Variants in KBTBD4 observed in about 807,000 individuals in gnomAD.
The protein encoded by KBTBD4 is kelch repeat and BTB domain-containing protein 4.
A neutral mutation model predicts 43.9 loss-of-function variants in KBTBD4; 30 were observed. The ratio of observed to expected loss-of-function variants is 0.68; its 90% CI spans 0.51 to 0.93. The LOEUF is 0.93. Ranked by LOEUF, KBTBD4 falls within the 40% of genes least tolerant of loss-of-function variation. The pLI, the probability that KBTBD4 is intolerant of heterozygous loss-of-function variation, is 0.00. For missense variants in KBTBD4, 575 were observed against 668.8 expected, an observed-to-expected ratio of 0.86 and a Z score of 1.55; for synonymous variants, 258 against 256.9, an observed-to-expected ratio of 1.00 and a Z score of -0.04.
Position 47,572,533 on chromosome 11 carries a change from C to T in KBTBD4, c.*397G>A, listed in dbSNP as rs2097250931. The T allele has an allele frequency of 5.5e-6, 1 of 181,602 alleles. No individual in the cohort carries two copies. Among genetic ancestry groups the T allele is most frequent in the African/African-American group, 2.4e-5 (1 of 42,268 alleles). 11.2% of individuals were successfully genotyped at this position (181,602 alleles called of 1,614,324 possible). A position where few individuals can be genotyped will look rare whatever the true frequency, so the allele number is the denominator to read the frequency against. On this transcript the variant is annotated 3_prime_UTR_variant, in exon 4 of 4. Coordinates refer to ENST00000430070, the MANE Select transcript of KBTBD4 (RefSeq NM_018095.6). ...TAATTCTTTGTGGAAAAATGATCAA[C>T]TAGCCATTTCACAGGCTATAGAACA... is the stretch of plus-strand genomic sequence containing the variant.
chr11:47,575,859 CTT>C (rs11387133), intron 2 of KBTBD4, among the ~76,000 whole-genome samples, 160 bp from the exon 3 acceptor site: 12 of 139,990 alleles, frequency 8.6e-5, no homozygotes, highest in Admixed American at 1.5e-4. Flanking sequence ...CCTAAAATTG[CTT>C]TTTTTTTTTT....
rs2153793479 is a variant in KBTBD4, at chr11:47,573,437, A to G, written c.1098T>C (p.Tyr366=). The change falls in exon 4 of 4, where the codon TAT becomes TAC. Residue 366 remains tyrosine (Y), a synonymous_variant. Transcript: ENST00000430070. This position sits in a 1 kb window ranked among gnomAD's most constrained non-coding sequence, Gnocchi z 4.1. ...TCCACACATTATCACCTACGCGATA[A>G]TAAATGACTGCGTTGGAGAGGGTAT... ...LQDTLSNAVI[Y]YRVGDNVWTE... is the part of the protein sequence containing the mutation. 1.2e-6 allele frequency: 2 copies of G among 1,614,218 alleles called. No homozygotes were observed. Among genetic ancestry groups the G allele is most frequent in the Non-Finnish European group, 1.7e-6 (2 of 1,180,038 alleles).
At chr11:47,575,064 A>T (rs2097256557) in intron 3 of KBTBD4, among the ~76,000 whole-genome samples, 1 of 151,774 alleles carries the variant, frequency 6.6e-6, no homozygotes, top group African/African-American at 2.4e-5. Flanking sequence ...AAAATACAAA[A>T]ATTAGGCGTG....
rs545835504 is a variant in KBTBD4, at chr11:47,575,663, A to G, written c.674T>C (p.Ile225Thr). The change falls in exon 3 of 4, where the codon ATA (isoleucine) becomes ACA (threonine). Residue 225 changes from isoleucine to threonine, a missense_variant. By Grantham distance (89) the Ile-to-Thr change is moderately conservative (BLOSUM62 -1). Transcript: ENST00000430070. ...VPCSQNPTEA[I>T]EAWINFNKEE... ...TTTATTAAAGTTGATCCAGGCTTCT[A>G]TTGCCTCTGTTGGGTTCTGAGAACA... The G allele has an allele frequency of 1.2e-6, 2 of 1,613,588 alleles. No homozygotes were observed. Among genetic ancestry groups the G allele is most frequent in the South Asian group, 1.1e-5 (1 of 91,020 alleles).
chr11:47,577,343 A>G, intron 2 of KBTBD4, 68 bp downstream of exon 2: 4 of 1,474,772 alleles, frequency 2.7e-6, no homozygotes, highest in Non-Finnish European at 2.7e-6. Context: ...CTTTTCTCCT[A>G]AACTAGAACA....
chr11:47,572,901 T>A lies in KBTBD4; in HGVS notation c.*29A>T. 6.3e-7 allele frequency: 1 copy of A among 1,586,282 alleles called. No homozygotes were observed. The highest frequency in any genetic ancestry group is 8.6e-7 in the Non-Finnish European group (1 of 1,163,842). ...AGTTTGTATGGGGAGGGAAAAGGAG[T>A]GAGCAGTTCTCCTCCCCTCCCCACA... On this transcript the variant is annotated 3_prime_UTR_variant, in exon 4 of 4. Transcript: ENST00000430070.
In KBTBD4 at chr11:47,572,833, G is replaced by C; in HGVS notation, c.*97C>G. On this transcript the variant is annotated 3_prime_UTR_variant, in exon 4 of 4. Coordinates refer to ENST00000430070, the MANE Select transcript of KBTBD4 (RefSeq NM_018095.6). ...CTGAGGCACTGCCTTTCTAGTATGTGCCAAAAAAAACATAACTCTGAATTG... is the reference window on the plus strand; with the variant it reads ...CTGAGGCACTGCCTTTCTAGTATGTCCCAAAAAAAACATAACTCTGAATTG... 7.4e-7 allele frequency: 1 copy of C among 1,355,316 alleles called. No individual in the cohort carries two copies. Among genetic ancestry groups the C allele is most frequent in the Non-Finnish European group, 1.0e-6 (1 of 993,270 alleles). 84.0% of individuals were successfully genotyped at this position (1,355,316 alleles called of 1,614,324 possible).
rs1038966258 is a variant in KBTBD4 at position 47,578,384 on chromosome 11, C to T, written c.20-356G>A. ...CTGTGATCGTAAAAGCCTTACTAAC[C>T]AAATAACTGGGGCATAAAACTAGTG... On this transcript the variant is annotated intron_variant, in intron 1 of 3. Coordinates refer to ENST00000430070, the MANE Select transcript of KBTBD4 (RefSeq NM_018095.6). The T allele has an allele frequency of 7.1e-6, 4 of 559,854 alleles. No homozygotes were observed. The African/African-American group carries it at 7.6e-5, about 11-fold the overall frequency. 34.7% of individuals were successfully genotyped at this position (559,854 alleles called of 1,614,324 possible). A position where few individuals can be genotyped will look rare whatever the true frequency, so the allele number is the denominator to read the frequency against.
intron 2 of KBTBD4, 152 bp from the exon 3 acceptor site, chr11:47,575,851 T>A: frequency 7.6e-6 from 3 of 393,552 alleles, no homozygotes; most frequent in Admixed American, 6.2e-5. Flanking sequence ...GAAATTAACC[T>A]AAAATTGCTT....
In KBTBD4 at chr11:47,573,411, G is replaced by A. The variant is rs748549438; in HGVS notation, c.1124C>T (p.Thr375Ile). 1 of 1,614,182 alleles carries A rather than the reference G, an allele frequency of 6.2e-7. No homozygotes were observed. Among genetic ancestry groups the A allele is most frequent in the South Asian group, 1.1e-5 (1 of 91,084 alleles). ...AGCCACCTCTAGCTGAGTTGTCTCT[G>A]TCCACACATTATCACCTACGCGATA... Reference protein sequence around the residue: ...IYYRVGDNVWTETTQLEVAVS... With the variant: ...IYYRVGDNVWIETTQLEVAVS... Residue 375 changes from threonine to isoleucine, a missense_variant, in exon 4 of 4, where the codon ACA (threonine) becomes ATA (isoleucine). Physicochemically the swap from Thr to Ile is moderately conservative, Grantham distance 89 (BLOSUM62 -1). Coordinates refer to ENST00000430070, the MANE Select transcript of KBTBD4 (RefSeq NM_018095.6). This position sits in a 1 kb window ranked among gnomAD's most constrained non-coding sequence, Gnocchi z 4.1.
intron 3 of KBTBD4, among the ~76,000 whole-genome samples, chr11:47,574,458 T>C (rs895065935): frequency 6.6e-6 from 1 of 151,768 alleles, no homozygotes; most frequent in Non-Finnish European, 1.5e-5. Flanking sequence ...GATCATGCCA[T>C]TGCACTCCAG....
chr11:47,573,741 C>T lies in KBTBD4; in HGVS notation c.794G>A (p.Arg265His), dbSNP rs780457703. The change falls in exon 4 of 4, where the codon CGT (arginine) becomes CAT (histidine). Residue 265 changes from arginine (R) to histidine (H), a missense_variant. Transcript: ENST00000430070. The surrounding 1 kb of genome is among the most constrained non-coding windows in gnomAD (Gnocchi z 4.1). Reference protein sequence around the residue: ...HIYLIGKESSRTHSLAVSLHC... With the variant: ...HIYLIGKESSHTHSLAVSLHC... ...CAAGGACACAGCCAACGAGTGGGTA[C>T]GAGATGACTCTTTCCCAATCAGGTA... 3.0e-5 allele frequency: 48 copies of T among 1,588,352 alleles called. No homozygotes were observed. Among genetic ancestry groups the T allele is most frequent in the African/African-American group, 2.7e-5 (2 of 74,662 alleles).
chr11:47,578,541 A>G (rs2097264715), intron 1 of KBTBD4: 3 of 684,796 alleles, frequency 4.4e-6, no homozygotes, highest in Non-Finnish European at 7.9e-6. Flanking sequence ...TGGGTCTTAC[A>G]TTTGCTCTCT....
chr11:47,573,241 C>A lies in KBTBD4; in HGVS notation c.1294G>T (p.Val432Leu), dbSNP rs199567761. The A allele has an allele frequency of 1.2e-6, 2 of 1,614,148 alleles. No homozygotes were observed. Among genetic ancestry groups the A allele is most frequent in the Admixed American group, 3.3e-5 (2 of 60,018 alleles). The stretch of plus-strand genomic sequence containing the variant: ...TGCATGCGGCCTGCAAAGGGCAGCA[C>A]ATAGGGCTTCACATGGCATTTGTCT... ...ETDKCHVKPY[V>L]LPFAGRMHAA... is the part of the protein sequence containing the mutation. Residue 432 changes from valine (V) to leucine (L), a missense_variant, in exon 4 of 4, where the codon GTG becomes TTG. Physicochemically the swap from Val to Leu is conservative, Grantham distance 32 (BLOSUM62 1). Transcript: ENST00000430070. The surrounding 1 kb of genome is among the most constrained non-coding windows in gnomAD (Gnocchi z 4.1).
At chr11:47,578,696 T>C (rs1326067786) in intron 1 of KBTBD4, 3 of 1,225,212 alleles carry the variant, frequency 2.4e-6, no homozygotes, top group Admixed American at 2.4e-5. Flanking sequence ...TTGAGTCGTC[T>C]TGGAAACGGT....
At chr11:47,578,771 C>CG in intron 1 of KBTBD4, 162 bp downstream of exon 1, 1 of 1,508,784 alleles carries the variant, frequency 6.6e-7, no homozygotes, top group South Asian at 1.2e-5. Flanking sequence ...GCTCAGAGAG[C>CG]GGGGGAGGGG....
Position 47,575,619 on chromosome 11 carries a change from C to G in KBTBD4, c.718G>C (p.Ala240Pro), listed in dbSNP as rs754585682. ...TTCAAGCTTGTCCTGAGTGACTCTGCAAAAGCCTCTCTTTCCTCTTTATTA... is the reference window on the plus strand; with the variant it reads ...TTCAAGCTTGTCCTGAGTGACTCTGGAAAAGCCTCTCTTTCCTCTTTATTA... Reference protein sequence around the residue: ...NFNKEEREAFAESLRTSLKEI... With the variant: ...NFNKEEREAFPESLRTSLKEI... Residue 240 changes from alanine (A) to proline (P), a missense_variant, in exon 3 of 4, where the codon GCA (alanine) becomes CCA (proline). Ala to Pro is a conservative substitution (Grantham distance 27, BLOSUM62 -1). Coordinates refer to ENST00000430070, the MANE Select transcript of KBTBD4 (RefSeq NM_018095.6). 8 of 1,613,158 alleles carry G rather than the reference C, an allele frequency of 5.0e-6. No individual in the cohort carries two copies. Among genetic ancestry groups the G allele is most frequent in the Non-Finnish European group, 6.8e-6 (8 of 1,179,304 alleles).
Position 47,578,953 on chromosome 11 carries a change from C to G in KBTBD4, c.-2G>C, listed in dbSNP as rs1401024821. The G allele has an allele frequency of 1.6e-5, 25 of 1,551,644 alleles. No homozygotes were observed. Among genetic ancestry groups the G allele is most frequent in the Non-Finnish European group, 2.0e-5 (23 of 1,147,022 alleles). On this transcript the variant is annotated 5_prime_UTR_variant, in exon 1 of 4. Coordinates refer to ENST00000430070, the MANE Select transcript of KBTBD4 (RefSeq NM_018095.6). The stretch of plus-strand genomic sequence containing the variant: ...CTCACCTGCGTTCCCTCCTTTCATC[C>G]CGGAGCCCGGAACCTCCGCTTCCGG...
At position 47,576,311 on chromosome 11, in the gene KBTBD4, C is replaced by A. The variant is rs139588411; in HGVS notation, c.638-612G>T. 5.8e-3 allele frequency among the ~76,000 whole-genome samples: 872 copies of A among 151,410 alleles called. 9 individuals carry two copies. Among genetic ancestry groups the A allele is most frequent in the African/African-American group, 0.019 (789 of 41,216 alleles). ...CCTCCCGAGTAGCTGGGTCTACAGG[C>A]GCCTGCCACCATGCCCAGGTAATTT... On this transcript the variant is annotated intron_variant, in intron 2 of 3. Transcript: ENST00000430070.
Sources: gnomAD v4.1 joint callset for allele counts (sites outside exome capture counted in the v4.1 genomes callset) on GRCh38, gnomAD v4.1.1 for gene constraint, Gnocchi (gnomAD v3.1) non-coding constraint, MANE v1.5 for transcripts, NCBI Gene and HGNC (gene_info 2026-07-23, HGNC 2026-07-21) for gene names.